MIA2: variants seen among roughly 807,000 people sequenced by gnomAD.
MIA2 encodes the protein MIA SH3 domain ER export factor 2, also known as melanoma inhibitory activity protein 2.
Under a neutral mutation model 167.8 loss-of-function variants are expected in MIA2, and 127 were observed. The ratio of observed to expected loss-of-function variants is 0.76; its 90% confidence interval spans 0.66 to 0.88. The LOEUF is 0.88. Among genes scored for constraint, MIA2 ranks in the 40% least tolerant of loss-of-function variants. MIA2 has a pLI of 0.00. For missense variants in MIA2, 1,690 were observed against 1,624.7 expected, an observed-to-expected ratio of 1.04 and a Z score of -0.69; for synonymous variants, 552 against 541.9, an observed-to-expected ratio of 1.02 and a Z score of -0.26.
chr14:39,347,879 TG>T (rs2073716583), intron 27 of MIA2, 108 bp downstream of exon 27: 21 of 1,062,864 alleles, frequency 2.0e-5, no homozygotes, highest in Non-Finnish European at 2.2e-5. Flanking sequence ...TGGAGTGCAG[TG>T]GCGCTATCTC....
At chr14:39,284,493 A>G (rs1425774246) in intron 9 of MIA2, among the ~76,000 whole-genome samples, 2 of 152,088 alleles carry the variant, frequency 1.3e-5, no homozygotes, top group African/African-American at 4.8e-5. Flanking sequence ...TGATGCTGCC[A>G]ACTCTATTTT....
intron 23 of MIA2, among the ~76,000 whole-genome samples, chr14:39,358,695 G>C (rs1386695401): frequency 2.0e-5 from 3 of 152,078 alleles, no homozygotes; most frequent in Non-Finnish European, 4.4e-5. Context: ...ATCTACCTTT[G>C]GTCTTTGATG....
Position 39,348,835 on chromosome 14 carries a change from A to G in MIA2, c.3930A>G (p.Pro1310=), listed in dbSNP as rs750824979. ...VPPPLAPIRG[P]LFPVDARGPF... ...CACCTCTTGCTCCAATCAGAGGTCC[A>G]TTGTTTCCAGTGGATGCAAGAGGCC... Residue 1310 remains proline, a synonymous_variant, in exon 28 of 29, where the codon CCA becomes CCG. Coordinates refer to ENST00000640607, the MANE Select transcript of MIA2 (RefSeq NM_001329214.4). 15 of 1,613,898 alleles carry G rather than the reference A, an allele frequency of 9.3e-6. No individual in the cohort carries two copies. The highest frequency in any genetic ancestry group is 2.7e-5 in the African/African-American group (2 of 74,906).
intron 23 of MIA2, among the ~76,000 whole-genome samples, chr14:39,381,561 T>C (rs2075161696): frequency 1.3e-5 from 2 of 152,126 alleles, no homozygotes; most frequent in African/African-American, 4.8e-5. Context: ...TGAACCACAC[T>C]GTGGGGCGAT....
At position 39,285,463 on chromosome 14, in the gene MIA2, C is replaced by T. The variant is rs1173220688; in HGVS notation, c.2131-5556C>T. Among the ~76,000 whole-genome samples, 18 of 138,352 alleles carry T rather than the reference C, an allele frequency of 1.3e-4. 1 individual carries two copies. The highest frequency in any genetic ancestry group is 4.6e-4 in the East Asian group (2 of 4,332). 90.8% of individuals were successfully genotyped at this position (138,352 alleles called of 152,430 possible). A position where few individuals can be genotyped will look rare whatever the true frequency, so the allele number is the denominator to read the frequency against. On this transcript the variant is annotated intron_variant, in intron 9 of 28. Transcript: ENST00000640607. ...CTTCCTCCCGGACGGGGCGGCTGGC[C>T]GGGCGGGGGCTGACCCCCCACCTCC... is the stretch of plus-strand genomic sequence containing the variant.
downstream of MIA2, among the ~76,000 whole-genome samples, chr14:39,355,280 G>T (rs979996133): frequency 2.0e-5 from 3 of 152,254 alleles, no homozygotes; most frequent in Admixed American, 2.0e-4. Flanking sequence ...CACATCCCTT[G>T]TAAGTTGGAT....
chr14:39,365,607 TATTGA>T (rs1165992994), intron 23 of MIA2, among the ~76,000 whole-genome samples: 3 of 152,160 alleles, frequency 2.0e-5, no homozygotes, highest in African/African-American at 7.2e-5. Context: ...TAATTTCATG[TATTGA>T]ATTCTTTCAT....
At chr14:39,333,870 T>C (rs1257455594) in intron 25 of MIA2, among the ~76,000 whole-genome samples, 1 of 152,184 alleles carries the variant, frequency 6.6e-6, no homozygotes, top group Non-Finnish European at 1.5e-5. Flanking sequence ...GATACCTTCA[T>C]AGAAGAGATA....
At chr14:39,319,062 T>C (rs2065958080) in intron 22 of MIA2, 147 bp from the exon 23 acceptor site, 1 of 431,170 alleles carries the variant, frequency 2.3e-6, no homozygotes, top group East Asian at 3.3e-5. Context: ...GAGATAAAGG[T>C]GTTTTGGTCA....
intron 18 of MIA2, among the ~76,000 whole-genome samples, chr14:39,309,919 A>G (rs2063937210): frequency 6.7e-6 from 1 of 148,398 alleles, no homozygotes; most frequent in Admixed American, 6.9e-5. Context: ...AAGACTCTAG[A>G]TTTTCAAATA....
Position 39,247,772 on chromosome 14 carries a change from AG to A in MIA2, c.1200del (p.Asn402MetfsTer14). 3 of 1,613,630 alleles carry A rather than the reference AG, an allele frequency of 1.9e-6. No homozygotes were observed. The highest frequency in any genetic ancestry group is 2.5e-6 in the Non-Finnish European group (3 of 1,179,932). On this transcript the variant is annotated frameshift_variant, in exon 4 of 29. Transcript: ENST00000640607. LOFTEE classifies it high-confidence loss of function. ...GGAAGATAAAATTATGTTAGATGAC[AG>A]GAAAAATGAAGAAGATGGTGGGGCA... ...AKEDKIMLDD[R>X]KNEEDGGADE...
At chr14:39,386,322 C>T in intron 23 of MIA2, 1 of 1,495,748 alleles carries the variant, frequency 6.7e-7, no homozygotes, top group Non-Finnish European at 9.3e-7. Flanking sequence ...CTGGGACCAT[C>T]ACTGATAGCT....
In MIA2 at chr14:39,247,738, A is replaced by G. The variant is rs528235187; in HGVS notation, c.1164A>G (p.Ala388=). 4.7e-5 allele frequency: 76 copies of G among 1,613,334 alleles called. No homozygotes were observed. The highest frequency in any genetic ancestry group is 6.2e-5 in the Non-Finnish European group (73 of 1,179,876). The part of the protein sequence containing the change: ...FDFGFAILGF[A]YAKEDKIMLD... ...TTGGTTTTGCTATACTAGGCTTTGC[A>G]TATGCCAAGGAAGATAAAATTATGT... The change falls in exon 4 of 29, where the codon GCA becomes GCG. Residue 388 remains alanine, a synonymous_variant. Transcript: ENST00000640607.
At chr14:39,381,220 G>T (rs1206016038) in intron 23 of MIA2, among the ~76,000 whole-genome samples, 1 of 152,116 alleles carries the variant, frequency 6.6e-6, no homozygotes, top group Non-Finnish European at 1.5e-5. Flanking sequence ...GCAGAAGGTG[G>T]TAAGAGGAAG....
chr14:39,253,644 G>GAA (rs554288187), intron 6 of MIA2: 44 of 144,608 alleles, frequency 3.0e-4, no homozygotes, highest in East Asian at 4.0e-4. Flanking sequence ...TCTTAAAAAA[G>GAA]AAAAAAAAAA....
At chr14:39,378,344 A>G (rs1269505288) in intron 23 of MIA2, among the ~76,000 whole-genome samples, 1 of 152,208 alleles carries the variant, frequency 6.6e-6, no homozygotes, top group African/African-American at 2.4e-5. Context: ...TGTGCTCAAT[A>G]TTGGATCAGC....
At position 39,321,014 on chromosome 14, in the gene MIA2, C is replaced by G; in HGVS notation, c.3454C>G (p.Pro1152Ala). 1 of 1,613,476 alleles carries G rather than the reference C, an allele frequency of 6.2e-7. No individual in the cohort carries two copies. Among genetic ancestry groups the G allele is most frequent in the Non-Finnish European group, 8.5e-7 (1 of 1,179,492 alleles). ...FLSPPTLLEG[P>A]LRLSPLLPGG... ...CTCTCCTCCAACTTTGTTGGAGGGT[C>G]CACTCAGACTCTCACCTTTGCTTCC... The change falls in exon 24 of 29, where the codon CCA becomes GCA. Residue 1152 changes from proline to alanine, a missense_variant. Transcript: ENST00000640607.
chr14:39,348,978 G>A lies in MIA2; in HGVS notation c.4072+1G>A, dbSNP rs1451146363. The A allele has an allele frequency of 2.5e-6, 4 of 1,612,100 alleles. No homozygotes were observed. Among genetic ancestry groups the A allele is most frequent in the Non-Finnish European group, 3.4e-6 (4 of 1,178,340 alleles). On this transcript the variant is annotated splice_donor_variant, in intron 28 of 28. Coordinates refer to ENST00000640607, the MANE Select transcript of MIA2 (RefSeq NM_001329214.4). LOFTEE classifies it high-confidence loss of function. The stretch of plus-strand genomic sequence containing the variant: ...GGTCCACCACCTGCTCCATTTGCAA[G>A]TATGCTTTTTTAAACTTTTTTTTTA...
intron 9 of MIA2, among the ~76,000 whole-genome samples, chr14:39,288,480 T>TG (rs2060241681): frequency 1.5e-5 from 1 of 67,354 alleles, no homozygotes; most frequent in African/African-American, 4.8e-5. Context: ...TATATATTTT[T>TG]TTTTTTTTTT....
Sources: allele counts gnomAD v4.1 joint callset (sites outside exome capture counted in the v4.1 genomes callset), GRCh38; gene constraint gnomAD v4.1.1; transcripts MANE v1.5; gene names NCBI Gene and HGNC (gene_info 2026-07-23, HGNC 2026-07-21).